PAPPA: variants seen among roughly 807,000 people sequenced by gnomAD.
PAPPA encodes pappalysin 1, also known as pappalysin-1.
Under a neutral mutation model 164.0 loss-of-function variants are expected in PAPPA, and 60 were observed. The observed-to-expected ratio is 0.37, with a 90% confidence interval of 0.30 to 0.45. The LOEUF (loss-of-function observed/expected upper bound fraction) is 0.45. Ranked by LOEUF, PAPPA falls within the 20% of genes least tolerant of loss-of-function variation. PAPPA has a pLI of 1.00. For synonymous variants in PAPPA, 875 were observed against 814.1 expected, an observed-to-expected ratio of 1.07 and a Z score of -1.27; for missense variants, 1,782 against 2,087.3, an observed-to-expected ratio of 0.85 and a Z score of 2.85.
chr9:116,219,818 T>G, intron 4 of PAPPA, 119 bp from the exon 5 acceptor site: 1 of 734,286 alleles, frequency 1.4e-6, no homozygotes, highest in Non-Finnish European at 2.3e-6. Flanking sequence ...AGGCCAGCCC[T>G]GAGTTGGCAA....
chr9:116,284,332 G>A (rs979306823), intron 9 of PAPPA, among the ~76,000 whole-genome samples: 6 of 152,062 alleles, frequency 3.9e-5, no homozygotes, highest in African/African-American at 1.2e-4. Context: ...TTTCTCTTTT[G>A]TCTTATCTGG....
intron 9 of PAPPA, among the ~76,000 whole-genome samples, chr9:116,274,231 C>A (rs1845170993): frequency 2.0e-5 from 3 of 152,172 alleles, no homozygotes; most frequent in African/African-American, 4.8e-5. Flanking sequence ...CTCTCTGTTA[C>A]CCCTGTATGT....
intron 2 of PAPPA, among the ~76,000 whole-genome samples, chr9:116,195,875 G>A (rs989265914): frequency 6.7e-6 from 1 of 149,316 alleles, no homozygotes; most frequent in South Asian, 2.2e-4. Flanking sequence ...TCATCCTCAG[G>A]TTTCATTTTT....
chr9:116,264,686 T>C (rs1337804126), intron 7 of PAPPA, among the ~76,000 whole-genome samples: 1 of 152,196 alleles, frequency 6.6e-6, no homozygotes, highest in Non-Finnish European at 1.5e-5. Flanking sequence ...CCCCCAATGC[T>C]GGAATCTGAC....
At position 116,302,932 on chromosome 9, in the gene PAPPA, A is replaced by G. The variant is rs546594465; in HGVS notation, c.3129A>G (p.Gly1043=). 3 of 1,613,780 alleles carry G rather than the reference A, an allele frequency of 1.9e-6. No homozygotes were observed. Among genetic ancestry groups the G allele is most frequent in the Admixed American group, 1.7e-5 (1 of 60,012 alleles). The change falls in exon 10 of 22, where the codon GGA becomes GGG. Residue 1043 remains glycine (G), a synonymous_variant. Coordinates refer to ENST00000328252, the MANE Select transcript of PAPPA (RefSeq NM_002581.5). ...DQQCPGWVII[G]QPAASQVCRT... ...AATGCCCAGGCTGGGTCATCATCGGACAGCCAGCAGCATCCCAGGTAAGAT... is the reference window on the plus strand; with the variant it reads ...AATGCCCAGGCTGGGTCATCATCGGGCAGCCAGCAGCATCCCAGGTAAGAT...
chr9:116,271,267 G>A lies in PAPPA; in HGVS notation c.2862-58G>A. 1 of 1,235,124 alleles carries A rather than the reference G, an allele frequency of 8.1e-7. No homozygotes were observed. The highest frequency in any genetic ancestry group is 1.2e-6 in the Non-Finnish European group (1 of 835,148). The allele number at this position is 1,235,124 out of a possible 1,614,324, so 76.5% of individuals were successfully genotyped here. On this transcript the variant is annotated intron_variant, in intron 8 of 21. Coordinates refer to ENST00000328252, the MANE Select transcript of PAPPA (RefSeq NM_002581.5). This position sits in a 1 kb window ranked among gnomAD's most constrained non-coding sequence, Gnocchi z 4.2. ...ATGGCCCAGGGAGGGACTTTTCCAT[G>A]TCCAGCCATGGTTTTAAGACTAAAT...
At chr9:116,336,581 C>A (rs1846064510) in intron 13 of PAPPA, among the ~76,000 whole-genome samples, 1 of 152,226 alleles carries the variant, frequency 6.6e-6, no homozygotes, top group African/African-American at 2.4e-5. Flanking sequence ...CATAAGTTGA[C>A]TGAGGCCCAG....
At chr9:116,385,822 C>G (rs1046598798) in intron 21 of PAPPA, among the ~76,000 whole-genome samples, 1 of 152,190 alleles carries the variant, frequency 6.6e-6, no homozygotes, top group Non-Finnish European at 1.5e-5. Flanking sequence ...AGCACCAGAC[C>G]AGGCTGTGGA....
intron 7 of PAPPA, among the ~76,000 whole-genome samples, chr9:116,244,002 C>T (rs1240101499): frequency 6.6e-6 from 1 of 152,132 alleles, no homozygotes; most frequent in East Asian, 1.9e-4. Context: ...CAGGGGAGCA[C>T]ATAGTCAGCA....
chr9:116,281,070 A>G (rs945962954), intron 9 of PAPPA, among the ~76,000 whole-genome samples: 2 of 152,256 alleles, frequency 1.3e-5, no homozygotes, highest in African/African-American at 2.4e-5. Context: ...TAGAAAAAAC[A>G]ATAAAGTATT....
intron 1 of PAPPA, among the ~76,000 whole-genome samples, chr9:116,179,352 G>A (rs548482684): frequency 5.6e-4 from 85 of 152,320 alleles, no homozygotes; most frequent in Non-Finnish European, 9.7e-4. Context: ...CCTGCAAAAG[G>A]AAATCTGGTC....
chr9:116,234,510 A>T (rs1422502114), intron 6 of PAPPA, among the ~76,000 whole-genome samples: 1 of 151,918 alleles, frequency 6.6e-6, no homozygotes, highest in African/African-American at 2.4e-5. Context: ...ATTTATGCTC[A>T]CCTATTCTTT....
At chr9:116,261,820 T>C (rs1845005458) in intron 7 of PAPPA, among the ~76,000 whole-genome samples, 1 of 152,098 alleles carries the variant, frequency 6.6e-6, no homozygotes, top group African/African-American at 2.4e-5. Flanking sequence ...TTATCAGAAA[T>C]ACAACCCTAT....
At chr9:116,325,640 A>G (rs1004297046) in intron 10 of PAPPA, among the ~76,000 whole-genome samples, 42 of 152,214 alleles carry the variant, frequency 2.8e-4, no homozygotes, top group Non-Finnish European at 7.3e-5. Context: ...GATGAGGATG[A>G]GAAGCAGTCA....
intron 3 of PAPPA, among the ~76,000 whole-genome samples, chr9:116,208,433 A>G (rs145697169): frequency 1.7e-3 from 261 of 152,200 alleles, no homozygotes; most frequent in African/African-American, 5.9e-3. Context: ...TTTTCACTTA[A>G]TCACAAAAGA....
chr9:116,233,044 T>A (rs1332608750), intron 6 of PAPPA, among the ~76,000 whole-genome samples: 1 of 152,162 alleles, frequency 6.6e-6, no homozygotes, highest in Non-Finnish European at 1.5e-5. Context: ...GGGTGGAATG[T>A]TCACCTGGCA....
intron 6 of PAPPA, among the ~76,000 whole-genome samples, chr9:116,230,935 CACTA>C (rs1470191995): frequency 1.3e-5 from 2 of 152,200 alleles, no homozygotes; most frequent in South Asian, 2.1e-4. Context: ...TAGCACATGG[CACTA>C]ACTGTTTTTA....
chr9:116,233,701 G>A (rs1844625127), intron 6 of PAPPA, among the ~76,000 whole-genome samples: 1 of 152,220 alleles, frequency 6.6e-6, no homozygotes. Context: ...GAGGTTAGAG[G>A]CATTTACAGC....
chr9:116,312,862 T>C (rs992381130), intron 10 of PAPPA, among the ~76,000 whole-genome samples: 1 of 151,660 alleles, frequency 6.6e-6, no homozygotes, highest in Non-Finnish European at 1.5e-5. Context: ...GGCAGGCGGA[T>C]CACAAGGTCA....
Sources: gnomAD v4.1 joint callset for allele counts (sites outside exome capture counted in the v4.1 genomes callset) on GRCh38, gnomAD v4.1.1 for gene constraint, Gnocchi (gnomAD v3.1) non-coding constraint, MANE v1.5 for transcripts, NCBI Gene and HGNC (gene_info 2026-07-23, HGNC 2026-07-21) for gene names.